The following ZNF385D variants were observed in gnomAD, a reference collection of about 807,000 sequenced individuals.
The protein encoded by ZNF385D is zinc finger protein 385D, also known as zinc finger protein 659.
In ZNF385D, 15 loss-of-function variants were observed where a neutral mutation model predicts 35.8. The observed-to-expected ratio is 0.42, with a 90% CI of 0.28 to 0.64. The LOEUF (loss-of-function observed/expected upper bound fraction) is 0.64. Ranked by LOEUF, ZNF385D falls within the 30% of genes least tolerant of loss-of-function variation. The pLI is 0.23. For missense variants in ZNF385D, 474 were observed against 494.6 expected, an observed-to-expected ratio of 0.96 and a Z score of 0.39; for synonymous variants, 212 against 186.8, an observed-to-expected ratio of 1.13 and a Z score of -1.10.
rs1694401606 is a variant in ZNF385D at position 21,823,434 on chromosome 3, CA to C, written c.326-158407del. The stretch of plus-strand genomic sequence containing the variant: ...TGCATGTGTATGCCTGTAAGCCCCC[CA>C]AACACACACACACACATGCACATAC... On this transcript the variant is annotated intron_variant, in intron 3 of 5. Coordinates refer to the ZNF385D transcript ENST00000494108. 3.0e-5 allele frequency among the ~76,000 whole-genome samples: 4 copies of C among 131,266 alleles called. No homozygotes were observed. In the South Asian group the frequency reaches 6.7e-4, roughly 22 times the overall value. The allele number at this position is 131,266 out of a possible 152,430, so 86.1% of individuals were successfully genotyped here.
intron 3 of ZNF385D, among the ~76,000 whole-genome samples, chr3:22,164,385 C>G (rs1316402019): frequency 2.0e-5 from 3 of 151,582 alleles, no homozygotes; most frequent in African/African-American, 7.3e-5. Context: ...TGCGCCACCA[C>G]GTCTAGCTAA....
chr3:21,920,692 G>A (rs373730468), intron 3 of ZNF385D, among the ~76,000 whole-genome samples: 1 of 151,604 alleles, frequency 6.6e-6, no homozygotes, highest in Non-Finnish European at 1.5e-5. Context: ...ATTTTGTGGG[G>A]TGAAGTAAAG....
intron 1 of ZNF385D, among the ~76,000 whole-genome samples, chr3:21,742,758 T>G (rs896972331): frequency 9.8e-5 from 15 of 152,348 alleles, no homozygotes; most frequent in African/African-American, 2.9e-4. Context: ...CGATTGCTAC[T>G]CTATGAATTG....
chr3:21,899,058 G>C (rs1380925205), intron 3 of ZNF385D, among the ~76,000 whole-genome samples: 1 of 152,086 alleles, frequency 6.6e-6, no homozygotes, highest in Non-Finnish European at 1.5e-5. Context: ...CCCATCAGGA[G>C]AACGGGATGT....
intron 2 of ZNF385D, among the ~76,000 whole-genome samples, chr3:21,628,181 C>T (rs756435112): frequency 3.7e-4 from 56 of 152,138 alleles, no homozygotes; most frequent in Non-Finnish European, 7.5e-4. Context: ...AAACCTGGAG[C>T]TAAAATTGAG....
intron 3 of ZNF385D, among the ~76,000 whole-genome samples, chr3:21,927,920 G>A (rs1252497077): frequency 6.6e-6 from 1 of 152,116 alleles, no homozygotes; most frequent in Non-Finnish European, 1.5e-5. Flanking sequence ...TCAGTAAGGA[G>A]ATAGAATACT....
intron 2 of ZNF385D, among the ~76,000 whole-genome samples, chr3:21,588,956 A>C (rs1214230895): frequency 2.0e-5 from 3 of 152,170 alleles, no homozygotes; most frequent in Non-Finnish European, 4.4e-5. Context: ...ATTATGTGCT[A>C]GGCATTTTTC....
At chr3:21,826,688 C>G (rs1248586742) in intron 3 of ZNF385D, among the ~76,000 whole-genome samples, 1 of 151,980 alleles carries the variant, frequency 6.6e-6, no homozygotes, top group East Asian at 1.9e-4. Context: ...TCCTTAAGTT[C>G]CAGCATTTTA....
At chr3:21,510,765 T>C in intron 4 of ZNF385D, 96 bp downstream of exon 4, 1 of 1,473,716 alleles carries the variant, frequency 6.8e-7, no homozygotes, top group Non-Finnish European at 9.3e-7. Context: ...TGAATCAATA[T>C]GGCAGGCACA....
At chr3:21,666,704 G>A (rs777400209) in intron 1 of ZNF385D, among the ~76,000 whole-genome samples, 8 of 152,174 alleles carry the variant, frequency 5.3e-5, no homozygotes, top group Non-Finnish European at 1.2e-4. Context: ...CCTGTCATGA[G>A]TTTAGTGTTG....
intron 2 of ZNF385D, among the ~76,000 whole-genome samples, chr3:22,307,054 G>A (rs1235489578): frequency 6.6e-6 from 1 of 152,038 alleles, no homozygotes; most frequent in African/African-American, 2.4e-5. Context: ...TTCACATAGA[G>A]AAACAACTTT....
At position 21,769,948 on chromosome 3, in the gene ZNF385D, C is replaced by T. The variant is rs187948617; in HGVS notation, c.326-104920G>A. ...AATAATACCACACATCTACAACTAT[C>T]TGATCTTTGACAAAACTGACAAAAA... On this transcript the variant is annotated intron_variant, in intron 3 of 5. Coordinates refer to the ZNF385D transcript ENST00000494108. 6.2e-4 allele frequency among the ~76,000 whole-genome samples: 94 copies of T among 152,254 alleles called. 1 individual carries two copies. Among genetic ancestry groups the T allele is most frequent in the African/African-American group, 2.2e-3 (93 of 41,576 alleles).
At chr3:21,995,698 G>C (rs1003709987) in intron 3 of ZNF385D, among the ~76,000 whole-genome samples, 2 of 151,838 alleles carry the variant, frequency 1.3e-5, no homozygotes, top group African/African-American at 4.8e-5. Context: ...TACAGTGGTA[G>C]GCAGGAGTGG....
chr3:21,986,667 G>A (rs1282395094), intron 3 of ZNF385D, among the ~76,000 whole-genome samples: 3 of 141,696 alleles, frequency 2.1e-5, no homozygotes, highest in Non-Finnish European at 3.0e-5. Flanking sequence ...GGAGAGTTCT[G>A]TAGATGTCTA....
intron 3 of ZNF385D, among the ~76,000 whole-genome samples, chr3:22,112,092 C>G (rs529744984): frequency 1.3e-5 from 2 of 152,258 alleles, no homozygotes; most frequent in East Asian, 3.9e-4. Context: ...AGCAGTCAAG[C>G]TGCTGCAGCA....
intron 3 of ZNF385D, among the ~76,000 whole-genome samples, chr3:21,532,861 T>A (rs2061956577): frequency 6.6e-6 from 1 of 152,114 alleles, no homozygotes; most frequent in Non-Finnish European, 1.5e-5. Context: ...AGGTAGTAAA[T>A]CAAAGCATTT....
chr3:21,761,869 C>CTTTTTTTTT (rs58790934), intron 3 of ZNF385D, among the ~76,000 whole-genome samples: 1 of 77,224 alleles, frequency 1.3e-5, no homozygotes, highest in Non-Finnish European at 2.2e-5. Flanking sequence ...CATTTTCTTC[C>CTTTTTTTTT]TTTTTTTTTT....
In ZNF385D at chr3:22,312,759, C is replaced by T. The variant is rs537255684; in HGVS notation, c.106+59691G>A. On this transcript the variant is annotated intron_variant, in intron 2 of 5. Transcript: ENST00000494108. ...TTAAAAAGTCAGGAAACAACAGGTG[C>T]TGGAGAGGATGTGGAGAAATAGGAA... Among the ~76,000 whole-genome samples, 368 of 148,674 alleles carry T rather than the reference C, an allele frequency of 2.5e-3. 1 individual carries two copies. Among genetic ancestry groups the T allele is most frequent in the African/African-American group, 8.8e-3 (355 of 40,194 alleles).
chr3:21,658,381 AATAAGTGATTAAAT>A (rs2066136145), intron 2 of ZNF385D, among the ~76,000 whole-genome samples: 1 of 152,014 alleles, frequency 6.6e-6, no homozygotes, highest in Non-Finnish European at 1.5e-5. Context: ...TTTCTTTCCT[AATAAGTGATTAAAT>A]TAATAATTTC....
Sources: allele counts gnomAD v4.1 joint callset (sites outside exome capture counted in the v4.1 genomes callset), GRCh38; gene constraint gnomAD v4.1.1; transcripts MANE v1.5; gene names NCBI Gene and HGNC (gene_info 2026-07-23, HGNC 2026-07-21).